SLC4A9: variants seen among roughly 807,000 people sequenced by gnomAD.
The protein encoded by SLC4A9 is solute carrier family 4 member 9, also known as anion exchange protein 4.
SLC4A9 carries 102 observed loss-of-function variants against 103.2 expected under a neutral mutation model. The ratio of observed to expected loss-of-function variants is 0.99; its 90% confidence interval spans 0.84 to 1.17. The LOEUF (loss-of-function observed/expected upper bound fraction) is 1.17. Among genes scored for constraint, SLC4A9 ranks in the 50% most tolerant of loss-of-function variants. The probability of loss-of-function intolerance (pLI) is 0.00; values close to 1 mark genes in which losing one functional copy is unlikely to be tolerated. For synonymous variants in SLC4A9, 453 were observed against 483.6 expected, an observed-to-expected ratio of 0.94 and a Z score of 0.83; for missense variants, 1,091 against 1,193.7, an observed-to-expected ratio of 0.91 and a Z score of 1.27.
rs1561606728 is a variant in SLC4A9, at chr5:140,367,517, T to TC, written c.2113dup (p.Leu705ProfsTer131). ...GCCCTGCCTGCCCTGCTGCTGTCTA[T>TC]CCTCATCTTCATGGACCAACAGATC... is the stretch of plus-strand genomic sequence containing the variant. On this transcript the variant is annotated frameshift_variant, in exon 15 of 22. Transcript: ENST00000506757. LOFTEE classifies it high-confidence loss of function. 1 of 1,604,796 alleles carries TC rather than the reference T, an allele frequency of 6.2e-7. No individual in the cohort carries two copies.
intron 14 of SLC4A9, among the ~76,000 whole-genome samples, 166 bp downstream of exon 14, chr5:140,366,430 G>GGA (rs1767900985): frequency 6.6e-6 from 1 of 152,192 alleles, no homozygotes; most frequent in Admixed American, 6.5e-5. Context: ...AGGATTAAAT[G>GGA]AAGTACTGCA....
chr5:140,371,604 G>C lies in SLC4A9; in HGVS notation c.2650G>C (p.Ala884Pro). 6.2e-7 allele frequency: 1 copy of C among 1,614,052 alleles called. No individual in the cohort carries two copies. Among genetic ancestry groups the C allele is most frequent in the African/African-American group, 1.3e-5 (1 of 75,056 alleles). The change falls in exon 19 of 22, where the codon GCC (alanine) becomes CCC (proline). Residue 884 changes from alanine to proline, a missense_variant. By Grantham distance (27) the Ala-to-Pro change is conservative (BLOSUM62 -1). Coordinates refer to ENST00000506757, the MANE Select transcript of SLC4A9 (RefSeq NM_031467.3). Reference sequence around the variant, plus strand: ...TTGGATAATCAAGTCTACCCCTGCAGCCATCATCTTCCCCCTCATGGTAAG... The same window carrying C: ...TTGGATAATCAAGTCTACCCCTGCACCCATCATCTTCCCCCTCATGGTAAG... The part of the protein sequence containing the change: ...LLWIIKSTPA[A>P]IIFPLMLLGL...
At position 140,360,906 on chromosome 5, in the gene SLC4A9, C is replaced by A; in HGVS notation, c.325C>A (p.Arg109Ser). ...TLALPSLQKLRSLLAEGLVLL... is the reference protein window; with the variant it reads ...TLALPSLQKLSSLLAEGLVLL... ...GGCACTGCCCAGCCTCCAGAAGCTC[C>A]GCAGCCTGCTGGCCGAGGGCCTTGT... Residue 109 changes from arginine (R) to serine (S), a missense_variant, in exon 2 of 22, where the codon CGC becomes AGC. By Grantham distance (110) the Arg-to-Ser change is moderately radical. Coordinates refer to ENST00000506757, the MANE Select transcript of SLC4A9 (RefSeq NM_031467.3). 1 of 1,608,164 alleles carries A rather than the reference C, an allele frequency of 6.2e-7. No individual in the cohort carries two copies.
chr5:140,368,692 A>T, intron 17 of SLC4A9, 33 bp downstream of exon 17: 1 of 1,585,924 alleles, frequency 6.3e-7, no homozygotes, highest in South Asian at 1.1e-5. Context: ...GATCAGGGTC[A>T]GTGTAGTAAT....
chr5:140,368,028 G>A (rs1451608907), intron 16 of SLC4A9, 130 bp downstream of exon 16: 1 of 930,954 alleles, frequency 1.1e-6, no homozygotes, highest in African/African-American at 1.6e-5. Context: ...GGCAGAATGA[G>A]TGAGTTCTGG....
At chr5:140,367,626 C>A in intron 15 of SLC4A9, 45 bp downstream of exon 15, 1 of 1,599,902 alleles carries the variant, frequency 6.3e-7, no homozygotes, top group East Asian at 2.3e-5. Flanking sequence ...ACAGAAGCTC[C>A]AGGGGAGTCT....
chr5:140,361,980 C>G (rs1428864565), intron 4 of SLC4A9, 37 bp from the exon 5 acceptor site: 2 of 1,613,740 alleles, frequency 1.2e-6, no homozygotes, highest in Non-Finnish European at 1.7e-6. Flanking sequence ...CCCCAAATAA[C>G]CTTTCATATT....
At chr5:140,367,924 G>GT in intron 16 of SLC4A9, 26 bp downstream of exon 16, 3 of 1,612,092 alleles carry the variant, frequency 1.9e-6, no homozygotes, top group Non-Finnish European at 1.7e-6. Flanking sequence ...AGGAAGTGGA[G>GT]TAAGAGGTGG....
rs748138436 is a variant in SLC4A9 at position 140,368,672 on chromosome 5, T to C, written c.2427+13T>C. The stretch of plus-strand genomic sequence containing the variant: ...ACCTGTGCTCAAGGTACCTTTGTTA[T>C]ACAAGCCAGGATCAGGGTCAGTGTA... On this transcript the variant is annotated intron_variant, in intron 17 of 21. Transcript: ENST00000506757. 3.1e-6 allele frequency: 5 copies of C among 1,610,936 alleles called. No individual in the cohort carries two copies. In the East Asian group the frequency reaches 8.9e-5, roughly 29 times the overall value.
chr5:140,368,104 C>A (rs1157012864), intron 16 of SLC4A9, among the ~76,000 whole-genome samples: 1 of 152,242 alleles, frequency 6.6e-6, no homozygotes, highest in Non-Finnish European at 1.5e-5. Flanking sequence ...GGAGGGGCCT[C>A]AAGAGGATTA....
At chr5:140,373,502 G>C (rs1769038989) in intron 21 of SLC4A9, among the ~76,000 whole-genome samples, 1 of 152,132 alleles carries the variant, frequency 6.6e-6, no homozygotes. Flanking sequence ...CCTCTTCTTG[G>C]AGAATAGTAA....
chr5:140,365,736 G>C (rs1457570713), intron 12 of SLC4A9, 98 bp from the exon 13 acceptor site: 4 of 1,448,770 alleles, frequency 2.8e-6, no homozygotes, highest in Non-Finnish European at 3.8e-6. Flanking sequence ...CTGGGCCCCT[G>C]GTGTCTCTGT....
intron 3 of SLC4A9, 138 bp downstream of exon 3, chr5:140,361,505 G>A: frequency 1.4e-6 from 1 of 716,184 alleles, no homozygotes; most frequent in Non-Finnish European, 2.3e-6. Context: ...GAGGAAACTG[G>A]TGGTAATGTT....
Position 140,363,563 on chromosome 5 carries a change from G to C in SLC4A9, c.1079+8G>C. ...GTTGCAGCGGACCGGCAGGTGAGGC[G>C]AGCTGGGAGGAAACAAGGGTAGGTG... On this transcript the variant is annotated splice_region_variant and intron_variant, in intron 8 of 21. Transcript: ENST00000506757. This position sits in a 1 kb window ranked among gnomAD's most constrained non-coding sequence, Gnocchi z 4.5. 1 of 1,552,296 alleles carries C rather than the reference G, an allele frequency of 6.4e-7. No homozygotes were observed. The highest frequency in any genetic ancestry group is 2.4e-5 in the East Asian group (1 of 40,972).
At chr5:140,369,129 C>T (rs1177158238) in intron 17 of SLC4A9, among the ~76,000 whole-genome samples, 1 of 151,980 alleles carries the variant, frequency 6.6e-6, no homozygotes, top group Non-Finnish European at 1.5e-5. Flanking sequence ...TTGAGACCTA[C>T]CTGGGCAACA....
Position 140,364,125 on chromosome 5 carries a change from C to T in SLC4A9, c.1326C>T (p.Leu442=), listed in dbSNP as rs1246222810. Residue 442 remains leucine, a synonymous_variant, in exon 10 of 22, where the codon CTC becomes CTT. Coordinates refer to ENST00000506757, the MANE Select transcript of SLC4A9 (RefSeq NM_031467.3). The stretch of plus-strand genomic sequence containing the variant: ...TCTGCCTGATGGCAGGCCAGCCCCT[C>T]ACCATTCTGAGCAGCACGGGGCCAG... ...AAFCLMAGQP[L]TILSSTGPVL... 7.5e-6 allele frequency: 12 copies of T among 1,594,184 alleles called. No individual in the cohort carries two copies.
intron 20 of SLC4A9, 140 bp from the exon 21 acceptor site, chr5:140,372,605 G>T (rs927454646): frequency 2.8e-6 from 4 of 1,440,228 alleles, no homozygotes; most frequent in Non-Finnish European, 3.6e-6. Flanking sequence ...GGGTGGAAAG[G>T]GCTGAGGCTT....
Position 140,367,601 on chromosome 5 carries a change from G to T in SLC4A9, c.2175+20G>T, listed in dbSNP as rs746491953. On this transcript the variant is annotated intron_variant, in intron 15 of 21. Coordinates refer to ENST00000506757, the MANE Select transcript of SLC4A9 (RefSeq NM_031467.3). Reference sequence around the variant, plus strand: ...CTGCAGGTAAGGCCTGCTGGGTAAGGCCCAAGACCAAGGGACAGAAGCTCC... The same window carrying T: ...CTGCAGGTAAGGCCTGCTGGGTAAGTCCCAAGACCAAGGGACAGAAGCTCC... 5 of 1,599,936 alleles carry T rather than the reference G, an allele frequency of 3.1e-6. No individual in the cohort carries two copies. The highest frequency in any genetic ancestry group is 1.7e-5 in the Admixed American group (1 of 57,972).
chr5:140,362,141 TG>T lies in SLC4A9; in HGVS notation c.690del (p.Ser231ProfsTer62), dbSNP rs759585701. 11 of 1,562,744 alleles carry T rather than the reference TG, an allele frequency of 7.0e-6. No individual in the cohort carries two copies. The highest frequency in any genetic ancestry group is 3.6e-5 in the South Asian group (3 of 82,438). ...GTTCGACTGCGGAACCCTGTGGTAC[TG>T]GGGTCCCTTACTGAGGTGTCCCTCC... ...AFVRLRNPVV[L>X]GSLTEVSLPS... On this transcript the variant is annotated frameshift_variant, in exon 5 of 22. Transcript: ENST00000506757. LOFTEE classifies it high-confidence loss of function.
Sources: gnomAD v4.1 joint callset for allele counts (sites outside exome capture counted in the v4.1 genomes callset) on GRCh38, gnomAD v4.1.1 for gene constraint, Gnocchi (gnomAD v3.1) non-coding constraint, MANE v1.5 for transcripts, NCBI Gene and HGNC (gene_info 2026-07-23, HGNC 2026-07-21) for gene names.